Variants in SCAND3 observed in about 807,000 individuals in gnomAD.
SCAND3 encodes the protein SCAN domain containing 3, also known as SCAN domain-containing protein 3.
At chr6:28,607,875 C>A in the SCAND3 span, among the ~76,000 whole-genome samples, 1 of 151,992 alleles carries the variant, frequency 6.6e-6, no homozygotes, top group East Asian at 1.9e-4. Flanking sequence ...ATCTCTTGTT[C>A]AAGAAAATTT....
At chr6:28,572,295 A>T in the SCAND3 span, 15 of 1,605,490 alleles carry the variant, frequency 9.3e-6, no homozygotes, top group Non-Finnish European at 1.3e-5. This position sits in a 1 kb window ranked among gnomAD's most constrained non-coding sequence, Gnocchi z 4.1. Flanking sequence ...CTATGCGTGG[A>T]TCTTCTTTTG....
At chr6:28,606,703 C>A in the SCAND3 span, among the ~76,000 whole-genome samples, 2 of 152,148 alleles carry the variant, frequency 1.3e-5, no homozygotes, top group Non-Finnish European at 2.9e-5. Flanking sequence ...ACGTTCCCTG[C>A]CATCACCACT....
At chr6:28,604,290 T>C in the SCAND3 span, among the ~76,000 whole-genome samples, 2 of 152,154 alleles carry the variant, frequency 1.3e-5, no homozygotes, top group African/African-American at 4.8e-5. Context: ...AGGAATTCCT[T>C]CCCCAGCTGT....
At chr6:28,614,554 T>C in the SCAND3 span, among the ~76,000 whole-genome samples, 1 of 152,040 alleles carries the variant, frequency 6.6e-6, no homozygotes, top group African/African-American at 2.4e-5. Flanking sequence ...AACCTCCGCC[T>C]CCCTGGTTCA....
chr6:28,590,453 G>C, the SCAND3 span: 1 of 152,200 alleles, frequency 6.6e-6, no homozygotes, highest in Non-Finnish European at 1.5e-5. Flanking sequence ...ATGAAACCCG[G>C]AAGGTCTGGA....
chr6:28,575,048 C>A, the SCAND3 span: 1 of 1,614,136 alleles, frequency 6.2e-7, no homozygotes, highest in Non-Finnish European at 8.5e-7. This position sits in a 1 kb window ranked among gnomAD's most constrained non-coding sequence, Gnocchi z 4.2. Flanking sequence ...TCTTTGTCAG[C>A]CTGATCTAAT....
At chr6:28,588,815 A>G in the SCAND3 span, among the ~76,000 whole-genome samples, 1 of 152,156 alleles carries the variant, frequency 6.6e-6, no homozygotes, top group Non-Finnish European at 1.5e-5. The surrounding 1 kb of genome is among the most constrained non-coding windows in gnomAD (Gnocchi z 4.1). Flanking sequence ...TGTAGAAGAG[A>G]CTATTTTGAT....
the SCAND3 span, among the ~76,000 whole-genome samples, chr6:28,599,828 A>G: frequency 6.6e-6 from 1 of 152,246 alleles, no homozygotes; most frequent in Admixed American, 6.5e-5. Context: ...GAATTACAAA[A>G]TAGACCCATA....
At chr6:28,574,931 T>C in the SCAND3 span, 1 of 1,613,578 alleles carries the variant, frequency 6.2e-7, no homozygotes, top group Non-Finnish European at 8.5e-7. Flanking sequence ...TCAGGAGGGC[T>C]TTTTTCAGCC....
chr6:28,574,843 C>T, the SCAND3 span: 1 of 1,614,036 alleles, frequency 6.2e-7, no homozygotes, highest in Non-Finnish European at 8.5e-7. Flanking sequence ...ATGGATATTT[C>T]CATCACATGA....
chr6:28,580,543 T>C, the SCAND3 span, among the ~76,000 whole-genome samples: 426 of 152,366 alleles, frequency 2.8e-3, no homozygotes, highest in African/African-American at 7.2e-3. Context: ...GGTATGTTTT[T>C]CCCTTCTCTG....
the SCAND3 span, among the ~76,000 whole-genome samples, chr6:28,597,492 C>A: frequency 6.6e-6 from 1 of 151,930 alleles, no homozygotes; most frequent in Admixed American, 6.6e-5. Flanking sequence ...TTTTTAATCG[C>A]TCTTTTTCTG....
chr6:28,598,683 AAAAAT>A, the SCAND3 span, among the ~76,000 whole-genome samples: 1,395 of 138,064 alleles, frequency 0.01, 13 homozygotes, highest in African/African-American at 0.028. Context: ...TGTTTCTACT[AAAAAT>A]AAAATAAAAT....
chr6:28,573,398 C>A, the SCAND3 span: 16 of 1,614,118 alleles, frequency 9.9e-6, no homozygotes, highest in Admixed American at 2.5e-4. Flanking sequence ...TTAGACTTGG[C>A]AACCGGAAGT....
chr6:28,615,263 T>C, the SCAND3 span, among the ~76,000 whole-genome samples: 447 of 152,334 alleles, frequency 2.9e-3, 3 homozygotes, highest in Middle Eastern at 0.01. Flanking sequence ...ATTTACAAAA[T>C]GTAATATTTT....
the SCAND3 span, among the ~76,000 whole-genome samples, chr6:28,600,269 T>C: frequency 6.6e-6 from 1 of 152,200 alleles, no homozygotes; most frequent in African/African-American, 2.4e-5. Context: ...ATCTGGACAC[T>C]TCACTAAAGA....
chr6:28,610,526 G>GA, the SCAND3 span, among the ~76,000 whole-genome samples: 1 of 151,658 alleles, frequency 6.6e-6, no homozygotes, highest in Non-Finnish European at 1.5e-5. Flanking sequence ...TCTGAAAAAA[G>GA]AAAGAAAGAG....
the SCAND3 span, chr6:28,572,858 T>A: frequency 6.2e-7 from 1 of 1,613,726 alleles, no homozygotes; most frequent in Non-Finnish European, 8.5e-7. The surrounding 1 kb of genome is among the most constrained non-coding windows in gnomAD (Gnocchi z 4.1). Flanking sequence ...TCAGCTGATA[T>A]TTTTTTCATG....
the SCAND3 span, chr6:28,579,229 C>T: frequency 6.4e-7 from 1 of 1,574,000 alleles, no homozygotes. This position sits in a 1 kb window ranked among gnomAD's most constrained non-coding sequence, Gnocchi z 4.5. Flanking sequence ...ACCCTTCATT[C>T]TCCCAAGTCT....
Sources: gnomAD v4.1 joint callset for allele counts (sites outside exome capture counted in the v4.1 genomes callset) on GRCh38, gnomAD v4.1.1 for gene constraint, Gnocchi (gnomAD v3.1) non-coding constraint, MANE v1.5 for transcripts, NCBI Gene and HGNC (gene_info 2026-07-23, HGNC 2026-07-21) for gene names.